The following WIPF3 variants were observed in gnomAD, a reference collection of about 807,000 sequenced individuals.
WIPF3 encodes the protein WAS/WASL interacting protein family member 3.
A neutral mutation model predicts 38.9 loss-of-function variants in WIPF3; 33 were observed. The observed-to-expected ratio is 0.85, with a 90% confidence interval of 0.64 to 1.14. The LOEUF is 1.14. Ranked by LOEUF, WIPF3 falls within the 50% of genes most tolerant of loss-of-function variation. The probability of loss-of-function intolerance (pLI) is 0.00; values close to 1 mark genes in which losing one functional copy is unlikely to be tolerated. For synonymous variants in WIPF3, 324 were observed against 269.3 expected (o/e 1.20, Z -1.99); for missense variants, 711 against 652.5 (o/e 1.09, Z -0.98).
chr7:29,907,080 A>C (rs1285691447), intron 8 of WIPF3, among the ~76,000 whole-genome samples: 1 of 152,258 alleles, frequency 6.6e-6, no homozygotes, highest in East Asian at 1.9e-4. Flanking sequence ...CTGTAGGAAG[A>C]AACAATGACC....
chr7:29,826,898 C>A (rs891550505), intron 1 of WIPF3, among the ~76,000 whole-genome samples: 13 of 152,180 alleles, frequency 8.5e-5, no homozygotes, highest in Non-Finnish European at 1.5e-4. Flanking sequence ...AGTACCAACT[C>A]CTCCACTAAT....
At chr7:29,877,993 G>C (rs1022451036) in intron 3 of WIPF3, among the ~76,000 whole-genome samples, 1 of 152,110 alleles carries the variant, frequency 6.6e-6, no homozygotes, top group African/African-American at 2.4e-5. Context: ...CTTAAAGATA[G>C]TCCTAAAAAT....
chr7:29,831,010 T>C (rs991671317), intron 1 of WIPF3, among the ~76,000 whole-genome samples: 1 of 152,208 alleles, frequency 6.6e-6, no homozygotes, highest in Non-Finnish European at 1.5e-5. Context: ...TGAAAAACTG[T>C]AGACACTGAC....
intron 1 of WIPF3, among the ~76,000 whole-genome samples, chr7:29,813,927 T>TTG (rs1416162815): frequency 1.3e-5 from 2 of 151,710 alleles, no homozygotes; most frequent in Non-Finnish European, 2.9e-5. Flanking sequence ...TAAGAGAATT[T>TTG]TTTTTTTTTT....
chr7:29,897,043 A>G (rs1388142444), intron 7 of WIPF3, among the ~76,000 whole-genome samples: 3 of 152,110 alleles, frequency 2.0e-5, no homozygotes, highest in Admixed American at 1.3e-4. Context: ...GTCTCTATTA[A>G]TTTCACTGCT....
rs1380891904 is a variant in WIPF3 at position 29,915,632 on chromosome 7, T to C, written c.*1116T>C. ...GGGCACCTGTCTGTGGGGAGATGTG[T>C]GCAAGCTCAGCCACTCTGAATATGG... On this transcript the variant is annotated 3_prime_UTR_variant, in exon 9 of 9. Coordinates refer to ENST00000242140, the MANE Select transcript of WIPF3 (RefSeq NM_001080529.3). The C allele has an allele frequency of 6.6e-6, 1 of 152,306 alleles. No individual in the cohort carries two copies. Among genetic ancestry groups the C allele is most frequent in the African/African-American group, 2.4e-5 (1 of 41,430 alleles). 9.4% of individuals were successfully genotyped at this position (152,306 alleles called of 1,614,324 possible).
intron 1 of WIPF3, among the ~76,000 whole-genome samples, chr7:29,820,011 G>T (rs952771745): frequency 6.6e-6 from 1 of 151,800 alleles, no homozygotes; most frequent in Admixed American, 6.6e-5. Context: ...ATATTTCCCC[G>T]TACCTTGCAA....
At chr7:29,873,298 T>C (rs1785531024) in intron 2 of WIPF3, among the ~76,000 whole-genome samples, 1 of 152,212 alleles carries the variant, frequency 6.6e-6, no homozygotes, top group South Asian at 2.1e-4. Context: ...CTAAGGCTCC[T>C]CTGAGTTGGG....
At chr7:29,910,739 T>C (rs571600441) in intron 8 of WIPF3, among the ~76,000 whole-genome samples, 1 of 151,908 alleles carries the variant, frequency 6.6e-6, no homozygotes, top group Non-Finnish European at 1.5e-5. Context: ...AAAAAAATTC[T>C]CAATAAACTA....
rs1158593635 is a variant in WIPF3 at position 29,884,202 on chromosome 7, G to T, written c.708G>T (p.Pro236=). ...CGCCACCTCCCCCAACGCCACCCCCGCTGCCCCCGGCCTCGGTTCTTAGTG... is the reference window on the plus strand; with the variant it reads ...CGCCACCTCCCCCAACGCCACCCCCTCTGCCCCCGGCCTCGGTTCTTAGTG... ...PPPPPPPTPP[P]LPPASVLSDK... is the part of the protein sequence containing the mutation. The change falls in exon 5 of 9, where the codon CCG becomes CCT. Residue 236 remains proline, a synonymous_variant. Coordinates refer to ENST00000242140, the MANE Select transcript of WIPF3 (RefSeq NM_001080529.3). 1 of 860,268 alleles carries T rather than the reference G, an allele frequency of 1.2e-6. No individual in the cohort carries two copies. 53.3% of individuals were successfully genotyped at this position (860,268 alleles called of 1,614,324 possible). A position where few individuals can be genotyped will look rare whatever the true frequency, so the allele number is the denominator to read the frequency against.
rs1402588892 is a variant in WIPF3, at chr7:29,884,032, C to G, written c.538C>G (p.Pro180Ala). 1.4e-6 allele frequency: 2 copies of G among 1,427,732 alleles called. No homozygotes were observed. The highest frequency in any genetic ancestry group is 3.0e-5 in the African/African-American group (2 of 66,604). 88.4% of individuals were successfully genotyped at this position (1,427,732 alleles called of 1,614,324 possible). The change falls in exon 5 of 9, where the codon CCC (proline) becomes GCC (alanine). Residue 180 changes from proline to alanine, a missense_variant. Physicochemically the swap from Pro to Ala is conservative, Grantham distance 27 (BLOSUM62 -1). Transcript: ENST00000242140. Reference sequence around the variant, plus strand: ...GCCTGCCCCGCCCCCTCCCACCCCACCCCCTCCGCCTCCACCCTTACCCCC... The same window carrying G: ...GCCTGCCCCGCCCCCTCCCACCCCAGCCCCTCCGCCTCCACCCTTACCCCC... ...NVPAPPPPTP[P>A]PPPPPLPPPL...
At chr7:29,904,449 C>T in intron 8 of WIPF3, 87 bp downstream of exon 8, 1 of 1,318,616 alleles carries the variant, frequency 7.6e-7, no homozygotes, top group Middle Eastern at 1.9e-4. Context: ...TTCTCCTAAA[C>T]AGCTTTATAT....
intron 2 of WIPF3, among the ~76,000 whole-genome samples, chr7:29,846,547 G>A (rs1221234241): frequency 1.3e-5 from 2 of 152,278 alleles, no homozygotes; most frequent in East Asian, 1.9e-4. Context: ...CTAAAAATAC[G>A]AGAATTTGCT....
chr7:29,866,027 C>G (rs2128071432), intron 2 of WIPF3, among the ~76,000 whole-genome samples: 1 of 152,282 alleles, frequency 6.6e-6, no homozygotes. Context: ...GGCGTGATGG[C>G]ACATGCCTGT....
chr7:29,816,123 A>C (rs1281993207), intron 1 of WIPF3, among the ~76,000 whole-genome samples: 2 of 152,314 alleles, frequency 1.3e-5, no homozygotes, highest in African/African-American at 4.8e-5. Flanking sequence ...TCCCAAATAA[A>C]GTGTTTCTCT....
In WIPF3 at chr7:29,844,630, G is replaced by T. The variant is rs1056404761; in HGVS notation, c.90+9816G>T. ...CGTGTGCCCCACTGCCTCCAGCTGC[G>T]TGAACGGGTTCAGTAAGTGGTACTG... On this transcript the variant is annotated intron_variant, in intron 2 of 8. Transcript: ENST00000242140. This position sits in a 1 kb window ranked among gnomAD's most constrained non-coding sequence, Gnocchi z 4.8. 6.6e-5 allele frequency among the ~76,000 whole-genome samples: 10 copies of T among 152,188 alleles called. No individual in the cohort carries two copies. Among genetic ancestry groups the T allele is most frequent in the African/African-American group, 2.4e-4 (10 of 41,446 alleles).
At chr7:29,817,389 CCTTTT>C (rs1784472304) in intron 1 of WIPF3, among the ~76,000 whole-genome samples, 1 of 151,890 alleles carries the variant, frequency 6.6e-6, no homozygotes. Flanking sequence ...TTTGCAGAAA[CCTTTT>C]CTTCTATACA....
chr7:29,888,331 T>C, intron 6 of WIPF3, 114 bp downstream of exon 6: 1 of 1,361,936 alleles, frequency 7.3e-7, no homozygotes, highest in Non-Finnish European at 9.9e-7. Context: ...GCATGCTTCT[T>C]TCATGAACAG....
At chr7:29,890,562 C>T (rs1013982968) in intron 7 of WIPF3, among the ~76,000 whole-genome samples, 7 of 152,234 alleles carry the variant, frequency 4.6e-5, no homozygotes, top group African/African-American at 1.4e-4. Context: ...CAGGGTTAGC[C>T]TAAGACCAGG....
Sources: gnomAD v4.1 joint callset for allele counts (sites outside exome capture counted in the v4.1 genomes callset) on GRCh38, gnomAD v4.1.1 for gene constraint, Gnocchi (gnomAD v3.1) non-coding constraint, MANE v1.5 for transcripts, NCBI Gene and HGNC (gene_info 2026-07-23, HGNC 2026-07-21) for gene names.